Variants in BCAT1 observed in about 807,000 individuals in gnomAD.
The protein encoded by BCAT1 is branched-chain-amino-acid aminotransferase, cytosolic.
In BCAT1, 48 loss-of-function variants were observed where a neutral mutation model predicts 52.4. The observed-to-expected ratio is 0.92, with a 90% confidence interval of 0.73 to 1.16. The LOEUF (loss-of-function observed/expected upper bound fraction) is 1.16. Ranked by LOEUF, BCAT1 falls within the 50% of genes most tolerant of loss-of-function variation. The pLI is 0.00. For missense variants in BCAT1, 451 were observed against 457.1 expected (o/e 0.99, Z 0.12); for synonymous variants, 167 against 161.3 (o/e 1.04, Z -0.27).
chr12:24,932,798 G>A (rs148847204), intron 1 of BCAT1, among the ~76,000 whole-genome samples: 4 of 151,546 alleles, frequency 2.6e-5, no homozygotes, highest in African/African-American at 9.7e-5. Context: ...CACCATGCCT[G>A]GTTAATTTTT....
At chr12:24,943,493 GAAAAAAAAAA>G (rs4031153) in intron 1 of BCAT1, among the ~76,000 whole-genome samples, 13 of 58,554 alleles carry the variant, frequency 2.2e-4, no homozygotes, top group Admixed American at 1.8e-3. Context: ...ACCCTATCTG[GAAAAAAAAAA>G]AAAAAAAAAA....
In BCAT1 at chr12:24,817,019, G is replaced by A. The variant is rs1939900528; in HGVS notation, c.*989C>T. 1 of 163,270 alleles carries A rather than the reference G, an allele frequency of 6.1e-6. No homozygotes were observed. The highest frequency in any genetic ancestry group is 2.4e-5 in the African/African-American group (1 of 42,056). 10.1% of individuals were successfully genotyped at this position (163,270 alleles called of 1,614,324 possible). A position where few individuals can be genotyped will look rare whatever the true frequency, so the allele number is the denominator to read the frequency against. On this transcript the variant is annotated 3_prime_UTR_variant, in exon 11 of 11. Coordinates refer to ENST00000261192, the MANE Select transcript of BCAT1 (RefSeq NM_005504.7). The stretch of plus-strand genomic sequence containing the variant: ...TTCCTGCTGTGTGGCCCATGGCCTG[G>A]GGGTTGGGGTCCCCTGCTCTAGGGA...
intron 1 of BCAT1, among the ~76,000 whole-genome samples, chr12:24,947,873 A>G (rs1051178545): frequency 1.2e-4 from 18 of 152,260 alleles, no homozygotes; most frequent in African/African-American, 4.1e-4. Context: ...ACCTCTAACT[A>G]TAGAAGAAAA....
intron 1 of BCAT1, among the ~76,000 whole-genome samples, chr12:24,912,656 G>A (rs1268915725): frequency 6.8e-6 from 1 of 148,086 alleles, no homozygotes; most frequent in East Asian, 2.0e-4. Flanking sequence ...CTTGAGTCCA[G>A]AAGCTTGAGA....
intron 1 of BCAT1, among the ~76,000 whole-genome samples, chr12:24,944,646 A>T (rs192517891): frequency 6.6e-6 from 1 of 152,348 alleles, no homozygotes; most frequent in East Asian, 1.9e-4. Context: ...ACACTGAGGG[A>T]TAAACCGTAA....
chr12:24,914,478 T>C (rs931366371), intron 1 of BCAT1, among the ~76,000 whole-genome samples: 2 of 152,216 alleles, frequency 1.3e-5, no homozygotes, highest in Non-Finnish European at 2.9e-5. Context: ...TTTCAGGCAG[T>C]GGTGTTGCTT....
At chr12:24,899,504 A>G (rs989763608) in intron 2 of BCAT1, among the ~76,000 whole-genome samples, 3 of 152,158 alleles carry the variant, frequency 2.0e-5, no homozygotes, top group South Asian at 2.1e-4. Context: ...AAGTAGAATG[A>G]CCATATAAAC....
chr12:24,892,196 C>G (rs1048689197), intron 3 of BCAT1, among the ~76,000 whole-genome samples: 1 of 152,014 alleles, frequency 6.6e-6, no homozygotes, highest in Non-Finnish European at 1.5e-5. Context: ...TTGAACGACT[C>G]TGACATTATC....
intron 1 of BCAT1, chr12:24,902,861 C>T: frequency 6.7e-7 from 1 of 1,493,308 alleles, no homozygotes; most frequent in South Asian, 1.2e-5. Context: ...CAGGAAACGG[C>T]GACAAGGCGC....
intron 7 of BCAT1, among the ~76,000 whole-genome samples, chr12:24,837,619 G>T (rs986045756): frequency 6.6e-6 from 1 of 151,788 alleles, no homozygotes; most frequent in African/African-American, 2.4e-5. Flanking sequence ...TAGAGACGGG[G>T]TTTCACCATG....
chr12:24,890,065 T>C (rs1434927225), intron 3 of BCAT1, among the ~76,000 whole-genome samples: 1 of 152,204 alleles, frequency 6.6e-6, no homozygotes, highest in African/African-American at 2.4e-5. Flanking sequence ...CTATACACTT[T>C]GCAGTATCCT....
chr12:24,927,810 G>C (rs1943614750), intron 1 of BCAT1, among the ~76,000 whole-genome samples: 1 of 152,180 alleles, frequency 6.6e-6, no homozygotes, highest in African/African-American at 2.4e-5. Context: ...GAATGACCTT[G>C]ACTTGGGAGA....
chr12:24,845,896 A>T (rs965984070), intron 6 of BCAT1, among the ~76,000 whole-genome samples: 1 of 152,220 alleles, frequency 6.6e-6, no homozygotes, highest in Non-Finnish European at 1.5e-5. Context: ...ATCTCTAAAA[A>T]CTAATAATAA....
At chr12:24,872,049 T>A (rs547794315) in intron 5 of BCAT1, among the ~76,000 whole-genome samples, 26 of 152,368 alleles carry the variant, frequency 1.7e-4, no homozygotes, top group African/African-American at 6.0e-4. Context: ...AAATTGCTGC[T>A]GTGCTAACTA....
At chr12:24,834,685 T>C in intron 8 of BCAT1, 3 of 1,013,184 alleles carry the variant, frequency 3.0e-6, no homozygotes, top group South Asian at 7.0e-5. Flanking sequence ...ATATCTGCAA[T>C]AGAAATATGG....
chr12:24,936,555 T>C (rs967842829), intron 1 of BCAT1, among the ~76,000 whole-genome samples: 1 of 152,184 alleles, frequency 6.6e-6, no homozygotes, highest in African/African-American at 2.4e-5. Context: ...TATCTTATGG[T>C]TCTGGAAGTT....
At chr12:24,845,237 C>T (rs1484873806) in intron 6 of BCAT1, among the ~76,000 whole-genome samples, 2 of 149,846 alleles carry the variant, frequency 1.3e-5, no homozygotes, top group Non-Finnish European at 3.0e-5. Flanking sequence ...AAAAAAGAGC[C>T]ATTAAAAGAC....
intron 5 of BCAT1, among the ~76,000 whole-genome samples, chr12:24,852,465 TC>T (rs1299827450): frequency 2.0e-5 from 3 of 152,186 alleles, no homozygotes; most frequent in Admixed American, 1.3e-4. Flanking sequence ...CTTTTTTCAC[TC>T]CAAACTAATG....
rs150885323 is a variant in BCAT1 at position 24,815,592 on chromosome 12, T to C, written c.*2416A>G. ...AAAAAAGATGTGCAGATGTTCCTGT[T>C]AAATCTATTTAACAAGAAAGCGTCA... On this transcript the variant is annotated 3_prime_UTR_variant, in exon 11 of 11. Transcript: ENST00000261192. The C allele has an allele frequency of 2.0e-5, 3 of 152,484 alleles. No individual in the cohort carries two copies. The highest frequency in any genetic ancestry group is 7.2e-5 in the African/African-American group (3 of 41,580). 9.4% of individuals were successfully genotyped at this position (152,484 alleles called of 1,614,324 possible). A position where few individuals can be genotyped will look rare whatever the true frequency, so the allele number is the denominator to read the frequency against.
Sources: gnomAD v4.1 joint callset for allele counts (sites outside exome capture counted in the v4.1 genomes callset) on GRCh38, gnomAD v4.1.1 for gene constraint, MANE v1.5 for transcripts, NCBI Gene and HGNC (gene_info 2026-07-23, HGNC 2026-07-21) for gene names.